Variants in ZFPM2 observed in about 807,000 individuals in gnomAD.
ZFPM2 encodes zinc finger protein, FOG family member 2, also known as zinc finger protein ZFPM2.
In ZFPM2, 20 loss-of-function variants were observed where a neutral mutation model predicts 98.6. The observed-to-expected ratio is 0.20, with a 90% CI of 0.14 to 0.29. The LOEUF is 0.29. Ranked by LOEUF, ZFPM2 falls within the 10% of genes least tolerant of loss-of-function variation. ZFPM2 has a pLI of 1.00. For synonymous variants in ZFPM2, 518 were observed against 502.7 expected (o/e 1.03, Z -0.41); for missense variants, 1,310 against 1,388.6 (o/e 0.94, Z 0.90).
intron 3 of ZFPM2, among the ~76,000 whole-genome samples, chr8:105,504,729 T>G (rs1014107287): frequency 6.6e-6 from 1 of 152,150 alleles, no homozygotes; most frequent in African/African-American, 2.4e-5. Flanking sequence ...TGACACCGTA[T>G]AATAATGATT....
chr8:105,729,426 T>C (rs1811880884), intron 5 of ZFPM2, among the ~76,000 whole-genome samples: 1 of 151,664 alleles, frequency 6.6e-6, no homozygotes, highest in Admixed American at 6.6e-5. Flanking sequence ...TGTATTTTTT[T>C]CTAAGAAAAG....
rs115835897 is a variant in ZFPM2, at chr8:105,492,491, A to G, written c.301+48110A>G. Among the ~76,000 whole-genome samples the G allele has an allele frequency of 8.5e-3, 1,299 of 152,290 alleles. 21 individuals are homozygous for G. Among genetic ancestry groups the G allele is most frequent in the African/African-American group, 0.029 (1,203 of 41,574 alleles). On this transcript the variant is annotated intron_variant, in intron 3 of 7. Coordinates refer to ENST00000407775, the MANE Select transcript of ZFPM2 (RefSeq NM_012082.4). ...CTGTTTCACTTCTTAAGAAGAAAAG[A>G]TACATATATTGCTTCTTGGGAAAAT...
At position 105,798,662 on chromosome 8, in the gene ZFPM2, T is replaced by C; in HGVS notation, c.740-62T>C. On this transcript the variant is annotated intron_variant, in intron 6 of 7. Coordinates refer to ENST00000407775, the MANE Select transcript of ZFPM2 (RefSeq NM_012082.4). ...TGAGAAAAATTGAACTAAATGCTGC[T>C]TTACCCACAGTTGGTTTCAAATGGA... 9.5e-6 allele frequency: 14 copies of C among 1,466,346 alleles called. No individual in the cohort carries two copies. The South Asian group carries it at 1.7e-4, about 18-fold the overall frequency. 90.8% of individuals were successfully genotyped at this position (1,466,346 alleles called of 1,614,324 possible). A position where few individuals can be genotyped will look rare whatever the true frequency, so the allele number is the denominator to read the frequency against.
At chr8:105,654,917 C>A (rs1817253622) in intron 5 of ZFPM2, among the ~76,000 whole-genome samples, 1 of 152,110 alleles carries the variant, frequency 6.6e-6, no homozygotes, top group South Asian at 2.1e-4. Flanking sequence ...CTGATACAGC[C>A]TTTTCTATGA....
intron 1 of ZFPM2, among the ~76,000 whole-genome samples, chr8:105,385,802 G>A (rs1810977433): frequency 6.6e-6 from 1 of 152,172 alleles, no homozygotes; most frequent in Non-Finnish European, 1.5e-5. Context: ...AGGACACAGT[G>A]TGCTTCCTAT....
At chr8:105,598,276 G>A (rs1239814700) in intron 4 of ZFPM2, among the ~76,000 whole-genome samples, 2 of 152,056 alleles carry the variant, frequency 1.3e-5, no homozygotes, top group Non-Finnish European at 2.9e-5. Context: ...TCCTACACAT[G>A]TGTGTTCATC....
chr8:105,435,956 A>C (rs1563657270), intron 2 of ZFPM2, among the ~76,000 whole-genome samples: 1 of 152,238 alleles, frequency 6.6e-6, no homozygotes, highest in Non-Finnish European at 1.5e-5. Context: ...TAAAGTTAGA[A>C]GATGAAGGGT....
chr8:105,555,697 G>A (rs1419524816), intron 3 of ZFPM2, among the ~76,000 whole-genome samples: 2 of 152,128 alleles, frequency 1.3e-5, no homozygotes, highest in African/African-American at 4.8e-5. Context: ...ATGCAAAACT[G>A]TATGATATTG....
chr8:105,675,080 AGCGG>A (rs1490942562), intron 5 of ZFPM2, among the ~76,000 whole-genome samples: 13 of 152,164 alleles, frequency 8.5e-5, no homozygotes, highest in African/African-American at 3.1e-4. Context: ...CATGGGGTAA[AGCGG>A]ACTGGGAGTA....
intron 4 of ZFPM2, among the ~76,000 whole-genome samples, chr8:105,633,940 T>C (rs537863323): frequency 6.6e-6 from 1 of 152,100 alleles, no homozygotes; most frequent in Non-Finnish European, 1.5e-5. Flanking sequence ...GCAATGAAAG[T>C]CATCTGCATT....
chr8:105,733,183 C>T (rs1473316061), intron 5 of ZFPM2, among the ~76,000 whole-genome samples: 1 of 151,870 alleles, frequency 6.6e-6, no homozygotes. Flanking sequence ...TAGCTATATA[C>T]ACCCAGATAG....
chr8:105,799,077 T>C, intron 7 of ZFPM2, 129 bp downstream of exon 7: 1 of 844,262 alleles, frequency 1.2e-6, no homozygotes, highest in East Asian at 2.7e-5. Flanking sequence ...TCAAACTTTC[T>C]GGGTCAACCA....
At chr8:105,742,379 T>TAAAAAA (rs79123129) in intron 5 of ZFPM2, among the ~76,000 whole-genome samples, 7 of 109,762 alleles carry the variant, frequency 6.4e-5, no homozygotes, top group African/African-American at 2.1e-4. Flanking sequence ...TCCTGTCTCT[T>TAAAAAA]AAAAAAAAAA....
chr8:105,676,938 A>G lies in ZFPM2; in HGVS notation c.532+42581A>G, dbSNP rs559395801. Reference sequence around the variant, plus strand: ...TAATTAATATAGATTCATTTCTAATATATGAAAACTTGTTAAAGAAGTATA... The same window carrying G: ...TAATTAATATAGATTCATTTCTAATGTATGAAAACTTGTTAAAGAAGTATA... On this transcript the variant is annotated intron_variant, in intron 5 of 7. Transcript: ENST00000407775. Among the ~76,000 whole-genome samples, 6 of 152,234 alleles carry G rather than the reference A, an allele frequency of 3.9e-5. No homozygotes were observed. The East Asian group carries it at 1.2e-3, about 29-fold the overall frequency.
intron 3 of ZFPM2, among the ~76,000 whole-genome samples, chr8:105,500,207 C>T (rs576982533): frequency 6.6e-6 from 1 of 152,060 alleles, no homozygotes; most frequent in East Asian, 1.9e-4. Flanking sequence ...CTTTTGAACC[C>T]AATACATAGC....
At chr8:105,595,554 A>G (rs1463544923) in intron 4 of ZFPM2, among the ~76,000 whole-genome samples, 1 of 152,160 alleles carries the variant, frequency 6.6e-6, no homozygotes, top group African/African-American at 2.4e-5. Flanking sequence ...TGCCAATTCC[A>G]GGCAGAAGTA....
chr8:105,497,981 T>C (rs1471706214), intron 3 of ZFPM2, among the ~76,000 whole-genome samples: 1 of 147,206 alleles, frequency 6.8e-6, no homozygotes, highest in African/African-American at 2.5e-5. Flanking sequence ...GAGCTAGGAG[T>C]TCAGGTCTAA....
intron 3 of ZFPM2, among the ~76,000 whole-genome samples, chr8:105,502,749 G>A (rs1361787561): frequency 6.6e-6 from 1 of 152,134 alleles, no homozygotes; most frequent in East Asian, 1.9e-4. Flanking sequence ...CTTCAGTAAC[G>A]CTTTTGATTC....
chr8:105,738,024 T>C (rs1276421827), intron 5 of ZFPM2, among the ~76,000 whole-genome samples: 2 of 151,980 alleles, frequency 1.3e-5, no homozygotes, highest in East Asian at 3.9e-4. Flanking sequence ...GTTTTTTTTG[T>C]TACTTTTATT....
Sources: allele counts gnomAD v4.1 joint callset (sites outside exome capture counted in the v4.1 genomes callset), GRCh38; gene constraint gnomAD v4.1.1; transcripts MANE v1.5; gene names NCBI Gene and HGNC (gene_info 2026-07-23, HGNC 2026-07-21).